SPNS1: variants seen among roughly 807,000 people sequenced by gnomAD.
SPNS1 encodes the protein SPNS lysolipid transporter 1, lysophospholipid.
Under a neutral mutation model 50.3 loss-of-function variants are expected in SPNS1, and 22 were observed. The ratio of observed to expected loss-of-function variants is 0.44; its 90% CI spans 0.31 to 0.62. SPNS1 has a LOEUF of 0.62. SPNS1 is among the 20% of genes least tolerant of loss of function. The probability of loss-of-function intolerance (pLI) is 0.07; values close to 1 mark genes in which losing one functional copy is unlikely to be tolerated. For synonymous variants in SPNS1, 295 were observed against 317.4 expected (o/e 0.93, Z 0.75); for missense variants, 576 against 728.6 (o/e 0.79, Z 2.41).
rs1965541656 is a variant in SPNS1, at chr16:28,981,270, A to G, written c.664-200A>G. Among the ~76,000 whole-genome samples, 1 of 152,212 alleles carries G rather than the reference A, an allele frequency of 6.6e-6. No homozygotes were observed. The highest frequency in any genetic ancestry group is 1.5e-5 in the Non-Finnish European group (1 of 68,034). ...CCAAAAGAAAATTACCAAAGAGGAG[A>G]CAAAGCTAGGCTTGCAAAAATAGGG... On this transcript the variant is annotated intron_variant, in intron 5 of 11. Transcript: ENST00000311008. The surrounding 1 kb of genome is among the most constrained non-coding windows in gnomAD (Gnocchi z 4.2).
chr16:28,978,181 C>T, intron 3 of SPNS1, 137 bp downstream of exon 3: 1 of 1,232,992 alleles, frequency 8.1e-7, no homozygotes, highest in Non-Finnish European at 1.1e-6. Flanking sequence ...TATACCCCTC[C>T]TTGCCTGAGT....
At position 28,984,374 on chromosome 16, in the gene SPNS1, C is replaced by T. The variant is rs1473511827; in HGVS notation, c.*75C>T. 2 of 1,447,646 alleles carry T rather than the reference C, an allele frequency of 1.4e-6. No individual in the cohort carries two copies. Among genetic ancestry groups the T allele is most frequent in the Non-Finnish European group, 1.9e-6 (2 of 1,052,710 alleles). 89.7% of individuals were successfully genotyped at this position (1,447,646 alleles called of 1,614,324 possible). On this transcript the variant is annotated 3_prime_UTR_variant, in exon 12 of 12. Transcript: ENST00000311008. ...CACCCCACGAAGGGCCTGGGCCTAACCCCTTGGCCTGGCCCAGCTTCCAGA... is the reference window on the plus strand; with the variant it reads ...CACCCCACGAAGGGCCTGGGCCTAATCCCTTGGCCTGGCCCAGCTTCCAGA...
intron 11 of SPNS1, 75 bp from the exon 12 acceptor site, chr16:28,984,130 G>A (rs2141680676): frequency 4.7e-6 from 7 of 1,481,212 alleles, no homozygotes; most frequent in South Asian, 2.6e-5. Flanking sequence ...TCCATTTCCC[G>A]CTGCCTGTTT....
chr16:28,975,419 T>C (rs1228996919), intron 1 of SPNS1, 27 bp downstream of exon 1: 2 of 1,614,128 alleles, frequency 1.2e-6, no homozygotes, highest in Non-Finnish European at 1.7e-6. Context: ...GGGAGGAAGA[T>C]AGTCTAGGAG....
chr16:28,977,024 T>G (rs531800261), intron 2 of SPNS1, among the ~76,000 whole-genome samples: 159 of 152,280 alleles, frequency 1.0e-3, no homozygotes, highest in Admixed American at 2.6e-3. Context: ...ATAAGTGTTA[T>G]GTAACAGAAA....
downstream of SPNS1, chr16:28,984,697 C>T (rs2141682286): frequency 2.9e-6 from 2 of 687,260 alleles, no homozygotes; most frequent in Non-Finnish European, 5.1e-6. Context: ...GACTGCTCTT[C>T]TCCGAGTGAG....
chr16:28,983,348 C>T lies in SPNS1; in HGVS notation c.1320+58C>T. 7.2e-7 allele frequency: 1 copy of T among 1,389,860 alleles called. No homozygotes were observed. Among genetic ancestry groups the T allele is most frequent in the Non-Finnish European group, 1.0e-6 (1 of 976,604 alleles). The allele number at this position is 1,389,860 out of a possible 1,614,324, so 86.1% of individuals were successfully genotyped here. A position where few individuals can be genotyped will look rare whatever the true frequency, so the allele number is the denominator to read the frequency against. ...CTGGTGTCCTGAGCCTGGGCTGGAT[C>T]AGAAGGCCTGGCCCTAGTGAAGTGT... On this transcript the variant is annotated intron_variant, in intron 10 of 11. Transcript: ENST00000311008. This position sits in a 1 kb window ranked among gnomAD's most constrained non-coding sequence, Gnocchi z 5.4.
In SPNS1 at chr16:28,983,818, C is replaced by T. The variant is rs142722234; in HGVS notation, c.1353C>T (p.Pro451=). ...ACCGCCTGCGCCGGAACTGGCCCCC[C>T]TCCTTCTTGTCCGAGTTCCGGGCTC... The part of the protein sequence containing the change: ...ISDRLRRNWP[P]SFLSEFRALQ... Residue 451 remains proline, a synonymous_variant, in exon 11 of 12, where the codon CCC becomes CCT. Transcript: ENST00000311008. The surrounding 1 kb of genome is among the most constrained non-coding windows in gnomAD (Gnocchi z 5.4). The T allele has an allele frequency of 1.9e-6, 3 of 1,604,072 alleles. No individual in the cohort carries two copies. In the African/African-American group the frequency reaches 4.0e-5, roughly 21 times the overall value.
In SPNS1 at chr16:28,974,813, G is replaced by C. The variant is rs1965272110; in HGVS notation, c.-339G>C. The C allele has an allele frequency of 6.5e-7, 1 of 1,535,700 alleles. No homozygotes were observed. The highest frequency in any genetic ancestry group is 2.4e-5 in the East Asian group (1 of 41,028). Reference sequence around the variant, plus strand: ...CTTTAAGCAACATGGCGGCTGCCGTGGTGCAGCGCCCGGGCTGAGCGACAG... The same window carrying C: ...CTTTAAGCAACATGGCGGCTGCCGTCGTGCAGCGCCCGGGCTGAGCGACAG... On this transcript the variant is annotated 5_prime_UTR_variant, in exon 1 of 12. Transcript: ENST00000311008.
chr16:28,975,051 C>T lies in SPNS1; in HGVS notation c.-101C>T. On this transcript the variant is annotated 5_prime_UTR_variant, in exon 1 of 12. Coordinates refer to ENST00000311008, the MANE Select transcript of SPNS1 (RefSeq NM_032038.3). ...GCTCCCCGTCTCCGGGCGCACTTCC[C>T]TCGCCTGTGTTCGGTCCATCCTCCT... 7.0e-7 allele frequency: 1 copy of T among 1,434,630 alleles called. No individual in the cohort carries two copies. The highest frequency in any genetic ancestry group is 1.4e-5 in the African/African-American group (1 of 69,590). 88.9% of individuals were successfully genotyped at this position (1,434,630 alleles called of 1,614,324 possible).
chr16:28,981,318 TC>T lies in SPNS1; in HGVS notation c.664-147del. ...GGGTGGCCCCTAGTGGCAGCCCCCT[TC>T]CCCCAGATTGCAGGTTCGGCTTCTT... On this transcript the variant is annotated intron_variant, in intron 5 of 11. Transcript: ENST00000311008. This position sits in a 1 kb window ranked among gnomAD's most constrained non-coding sequence, Gnocchi z 4.2. 1.0e-6 allele frequency: 1 copy of T among 969,994 alleles called. No individual in the cohort carries two copies. The highest frequency in any genetic ancestry group is 1.5e-6 in the Non-Finnish European group (1 of 670,856). 60.1% of individuals were successfully genotyped at this position (969,994 alleles called of 1,614,324 possible).
chr16:28,977,179 G>A (rs142380960), intron 2 of SPNS1, among the ~76,000 whole-genome samples: 4,335 of 152,104 alleles, frequency 0.029, 102 homozygotes, highest in Non-Finnish European at 0.043. Flanking sequence ...TTAGCTGGGC[G>A]TGGTGGCACG....
At position 28,981,865 on chromosome 16, in the gene SPNS1, G is replaced by A. The variant is rs1324126344; in HGVS notation, c.810-36G>A. The A allele has an allele frequency of 7.4e-6, 12 of 1,611,402 alleles. No individual in the cohort carries two copies. The highest frequency in any genetic ancestry group is 9.3e-6 in the Non-Finnish European group (11 of 1,178,292). On this transcript the variant is annotated intron_variant, in intron 6 of 11. Coordinates refer to ENST00000311008, the MANE Select transcript of SPNS1 (RefSeq NM_032038.3). The surrounding 1 kb of genome is among the most constrained non-coding windows in gnomAD (Gnocchi z 4.2). ...GGTCCCCTCCTGCCTCGACACCTCC[G>A]TGGGGTCTTACTCTCTCCCTCCCAA...
chr16:28,977,818 G>T, intron 2 of SPNS1, 90 bp from the exon 3 acceptor site: 1 of 1,517,206 alleles, frequency 6.6e-7, no homozygotes, highest in South Asian at 1.2e-5. Flanking sequence ...GGAGAAGGCA[G>T]GCATCTCCTG....
In SPNS1 at chr16:28,977,935, C is replaced by T. The variant is rs1236550611; in HGVS notation, c.335C>T (p.Ala112Val). The change falls in exon 3 of 12, where the codon GCA becomes GTA. Residue 112 changes from alanine (A) to valine (V), a missense_variant. By Grantham distance (64) the Ala-to-Val change is moderately conservative. Transcript: ENST00000311008. ...TTCATCTCCAGTTACATGGTGTTGG[C>T]ACCTGTGTTTGGCTACCTGGGTGAC... ...TVFISSYMVL[A>V]PVFGYLGDRY... 2.5e-6 allele frequency: 4 copies of T among 1,613,878 alleles called. No individual in the cohort carries two copies. The highest frequency in any genetic ancestry group is 2.5e-6 in the Non-Finnish European group (3 of 1,179,894).
rs1433508824 is a variant in SPNS1 at position 28,974,903 on chromosome 16, C to T, written c.-249C>T. 6 of 1,527,364 alleles carry T rather than the reference C, an allele frequency of 3.9e-6. No individual in the cohort carries two copies. Among genetic ancestry groups the T allele is most frequent in the South Asian group, 1.2e-5 (1 of 83,162 alleles). 94.6% of individuals were successfully genotyped at this position (1,527,364 alleles called of 1,614,324 possible). ...CCGCGTGGGATCGTGCCCTCTTCAG[C>T]CCGCTCCTGTCCCCGACATCACGTG... On this transcript the variant is annotated 5_prime_UTR_variant, in exon 1 of 12. Coordinates refer to ENST00000311008, the MANE Select transcript of SPNS1 (RefSeq NM_032038.3).
Position 28,983,129 on chromosome 16 carries a change from G to GCC in SPNS1, c.1222-59_1222-58dup. On this transcript the variant is annotated intron_variant, in intron 9 of 11. Transcript: ENST00000311008. The surrounding 1 kb of genome is among the most constrained non-coding windows in gnomAD (Gnocchi z 5.4). ...TAGGCGGATCCTTGGTGGTCTCCTG[G>GCC]CCCCCTGCCTCCTGCCCCCTGGAGC... 1 of 1,391,734 alleles carries GCC rather than the reference G, an allele frequency of 7.2e-7. No individual in the cohort carries two copies. Among genetic ancestry groups the GCC allele is most frequent in the Non-Finnish European group, 1.0e-6 (1 of 983,752 alleles). The allele number at this position is 1,391,734 out of a possible 1,614,324, so 86.2% of individuals were successfully genotyped here. A position where few individuals can be genotyped will look rare whatever the true frequency, so the allele number is the denominator to read the frequency against.
At chr16:28,982,272 G>C (rs1965579220) in intron 7 of SPNS1, 84 bp from the exon 8 acceptor site, 2 of 1,458,590 alleles carry the variant, frequency 1.4e-6, no homozygotes, top group Non-Finnish European at 1.9e-6. Context: ...TAGGGACCTT[G>C]GTTGTGAGGG....
Position 28,975,008 on chromosome 16 carries a change from C to A in SPNS1, c.-144C>A. ...GGGCCCGGGTCCCTTCTCAGTGGTGCTCTGTGCTTCAGGGCAAGCTCCCCG... is the reference window on the plus strand; with the variant it reads ...GGGCCCGGGTCCCTTCTCAGTGGTGATCTGTGCTTCAGGGCAAGCTCCCCG... On this transcript the variant is annotated 5_prime_UTR_variant, in exon 1 of 12. Transcript: ENST00000311008. The A allele has an allele frequency of 6.9e-7, 1 of 1,443,340 alleles. No individual in the cohort carries two copies. Among genetic ancestry groups the A allele is most frequent in the South Asian group, 1.4e-5 (1 of 70,282 alleles). The allele number at this position is 1,443,340 out of a possible 1,614,324, so 89.4% of individuals were successfully genotyped here.
Sources: allele counts gnomAD v4.1 joint callset (sites outside exome capture counted in the v4.1 genomes callset), GRCh38; gene constraint gnomAD v4.1.1; non-coding constraint Gnocchi (gnomAD v3.1); transcripts MANE v1.5; gene names NCBI Gene and HGNC (gene_info 2026-07-23, HGNC 2026-07-21).